PHLDB1: variants seen among roughly 807,000 people sequenced by gnomAD.
PHLDB1 encodes the protein pleckstrin homology like domain family B member 1.
PHLDB1 carries 65 observed loss-of-function variants against 139.3 expected under a neutral mutation model. The ratio of observed to expected loss-of-function variants is 0.47; its 90% CI spans 0.38 to 0.57. The LOEUF is 0.57. Ranked by LOEUF, PHLDB1 falls within the 20% of genes least tolerant of loss-of-function variation. PHLDB1 has a pLI of 0.00. For missense variants in PHLDB1, 1,624 were observed against 1,839.7 expected (o/e 0.88, Z 2.14); for synonymous variants, 679 against 734.5 (o/e 0.92, Z 1.22).
intron 6 of PHLDB1, among the ~76,000 whole-genome samples, chr11:118,628,907 GTTAAA>G (rs1296821969): frequency 2.0e-5 from 3 of 152,352 alleles, no homozygotes; most frequent in African/African-American, 7.2e-5. Context: ...TTGTTTTAAT[GTTAAA>G]TTAAATTTCA....
rs556756362 is a variant in PHLDB1, at chr11:118,618,530, C to T, written c.355+2319C>T. 9.9e-5 allele frequency among the ~76,000 whole-genome samples: 15 copies of T among 152,166 alleles called. No homozygotes were observed. In the South Asian group the frequency reaches 2.1e-3, roughly 21 times the overall value. On this transcript the variant is annotated intron_variant, in intron 4 of 22. Coordinates refer to ENST00000600882, the MANE Select transcript of PHLDB1 (RefSeq NM_001144758.3). The stretch of plus-strand genomic sequence containing the variant: ...GGATGTGTTTGTGACTCTGGGCTTA[C>T]GAATCCTGTGTTTGTGTCTTTCCTT...
At chr11:118,615,850 CTGTT>C (rs1313784782) in intron 3 of PHLDB1, among the ~76,000 whole-genome samples, 187 bp from the exon 4 acceptor site, 2 of 152,196 alleles carry the variant, frequency 1.3e-5, no homozygotes, top group East Asian at 1.9e-4. Flanking sequence ...AGAGTTTTCT[CTGTT>C]TGAGAACAGC....
In PHLDB1 at chr11:118,613,813, T is replaced by G. The variant is rs1941006308; in HGVS notation, c.-21-3T>G. 1 of 1,602,702 alleles carries G rather than the reference T, an allele frequency of 6.2e-7. No individual in the cohort carries two copies. The highest frequency in any genetic ancestry group is 8.5e-7 in the Non-Finnish European group (1 of 1,170,434). ...ACTCACCACCTTTCTGCTGTGTCCCTAGGAGCTCTGGAGCCTTAGGACCAT... is the reference window on the plus strand; with the variant it reads ...ACTCACCACCTTTCTGCTGTGTCCCGAGGAGCTCTGGAGCCTTAGGACCAT... On this transcript the variant is annotated splice_polypyrimidine_tract_variant and splice_region_variant and intron_variant, in intron 1 of 22. Coordinates refer to ENST00000600882, the MANE Select transcript of PHLDB1 (RefSeq NM_001144758.3).
intron 12 of PHLDB1, chr11:118,641,941 A>G (rs368595475): frequency 1.6e-4 from 84 of 528,716 alleles, no homozygotes; most frequent in African/African-American, 1.4e-3. Flanking sequence ...TGGCTGGTGT[A>G]GCACATGTCT....
At chr11:118,625,631 T>G (rs180727297) in intron 5 of PHLDB1, among the ~76,000 whole-genome samples, 1 of 152,310 alleles carries the variant, frequency 6.6e-6, no homozygotes, top group Non-Finnish European at 1.5e-5. Flanking sequence ...ACCAGGAGGC[T>G]ATTATGGGTT....
rs1948212575 is a variant in PHLDB1, at chr11:118,650,651, C to T, written c.3874+104C>T. On this transcript the variant is annotated intron_variant, in intron 20 of 22. Coordinates refer to ENST00000600882, the MANE Select transcript of PHLDB1 (RefSeq NM_001144758.3). The surrounding 1 kb of genome is among the most constrained non-coding windows in gnomAD (Gnocchi z 4.7). ...GGAGGCCAAGCTTCCAAGTAGGGGACCAGAGTCTTGGGCTAGGCTTTGCCC... is the reference window on the plus strand; with the variant it reads ...GGAGGCCAAGCTTCCAAGTAGGGGATCAGAGTCTTGGGCTAGGCTTTGCCC... 3.9e-6 allele frequency: 3 copies of T among 778,208 alleles called. No homozygotes were observed. Among genetic ancestry groups the T allele is most frequent in the Non-Finnish European group, 6.8e-6 (3 of 442,640 alleles). The allele number at this position is 778,208 out of a possible 1,614,324, so 48.2% of individuals were successfully genotyped here.
chr11:118,627,850 G>A lies in PHLDB1; in HGVS notation c.1027G>A (p.Ala343Thr). 1 of 1,607,720 alleles carries A rather than the reference G, an allele frequency of 6.2e-7. No homozygotes were observed. Among genetic ancestry groups the A allele is most frequent in the Non-Finnish European group, 8.5e-7 (1 of 1,179,824 alleles). Residue 343 changes from alanine to threonine, a missense_variant, in exon 6 of 23, where the codon GCC (alanine) becomes ACC (threonine). Ala to Thr is a moderately conservative substitution (Grantham distance 58). Transcript: ENST00000600882. ...CCCTGCAGCTACTGTCTTGGCGGAG[G>A]CCCGGAGAGCCACTGAGAGCCCCCG... is the stretch of plus-strand genomic sequence containing the variant. ...DSPAATVLAE[A>T]RRATESPRLG...
intron 4 of PHLDB1, 90 bp downstream of exon 4, chr11:118,616,301 T>C: frequency 8.3e-7 from 1 of 1,199,580 alleles, no homozygotes; most frequent in Non-Finnish European, 1.2e-6. Context: ...GTGGTTGCCA[T>C]GGTAACTGCC....
In PHLDB1 at chr11:118,616,148, C is replaced by G. The variant is rs1324060807; in HGVS notation, c.292C>G (p.Pro98Ala). 2 of 1,614,036 alleles carry G rather than the reference C, an allele frequency of 1.2e-6. No individual in the cohort carries two copies. Among genetic ancestry groups the G allele is most frequent in the Non-Finnish European group, 1.7e-6 (2 of 1,180,016 alleles). ...CCTGCGGGGCACCCTCACCCTCTAC[C>G]CCTGTGGCAATGCCTGCACTATTGA... ...ENLRGTLTLYPCGNACTIDGL... is the reference protein window; with the variant it reads ...ENLRGTLTLYACGNACTIDGL... Residue 98 changes from proline (P) to alanine (A), a missense_variant, in exon 4 of 23, where the codon CCC (proline) becomes GCC (alanine). Pro to Ala is a conservative substitution (Grantham distance 27). Transcript: ENST00000600882.
intron 20 of PHLDB1, chr11:118,653,991 GGACTCAT>G (rs1402106739): frequency 6.6e-6 from 1 of 152,222 alleles, no homozygotes; most frequent in Non-Finnish European, 1.5e-5. Flanking sequence ...ATAGGACTTG[GGACTCAT>G]GCAGGGGAAG....
chr11:118,642,454 C>T, intron 13 of PHLDB1, 60 bp downstream of exon 13: 1 of 1,546,866 alleles, frequency 6.5e-7, no homozygotes, highest in Non-Finnish European at 8.8e-7. Flanking sequence ...TCTGATACCT[C>T]CTGCCAATCC....
At chr11:118,642,072 C>A in intron 12 of PHLDB1, 182 bp from the exon 13 acceptor site, 1 of 681,548 alleles carries the variant, frequency 1.5e-6, no homozygotes, top group Non-Finnish European at 2.6e-6. Context: ...CCTTCCTCCC[C>A]TTCTTCCTTC....
chr11:118,635,858 G>A (rs1165590292), intron 10 of PHLDB1, among the ~76,000 whole-genome samples: 1 of 152,206 alleles, frequency 6.6e-6, no homozygotes, highest in Non-Finnish European at 1.5e-5. Flanking sequence ...AGATGGAGGA[G>A]GAGGAGGCTT....
At chr11:118,644,585 C>T (rs1701890830) in intron 15 of PHLDB1, 5 of 1,105,484 alleles carry the variant, frequency 4.5e-6, no homozygotes, top group Non-Finnish European at 4.8e-6. Context: ...GTCTGTGCCT[C>T]TCTCTCCTCT....
chr11:118,624,798 C>G, intron 4 of PHLDB1, 136 bp from the exon 5 acceptor site: 2 of 779,760 alleles, frequency 2.6e-6, no homozygotes, highest in South Asian at 3.2e-5. Flanking sequence ...TTAGTAGAGA[C>G]GGGACTTCAC....
chr11:118,649,330 T>C (rs1442847447), intron 18 of PHLDB1, among the ~76,000 whole-genome samples: 1 of 151,708 alleles, frequency 6.6e-6, no homozygotes, highest in African/African-American at 2.4e-5. Context: ...ACCCCCGTGG[T>C]TGGAATATTT....
chr11:118,651,427 T>A (rs1948324387), intron 20 of PHLDB1: 1 of 151,128 alleles, frequency 6.6e-6, no homozygotes, highest in Non-Finnish European at 1.5e-5. Context: ...AGACAGAGGT[T>A]GCAGTGAGCC....
In PHLDB1 at chr11:118,642,412, G is replaced by C. The variant is rs1555122209; in HGVS notation, c.2877+18G>C. On this transcript the variant is annotated intron_variant, in intron 13 of 22. Coordinates refer to ENST00000600882, the MANE Select transcript of PHLDB1 (RefSeq NM_001144758.3). ...AGCTGCAGGTAACCCCTCCTTCACT[G>C]CCCGTCCTCCCCAGCCTTTGCACCT... 6.2e-7 allele frequency: 1 copy of C among 1,602,962 alleles called. No individual in the cohort carries two copies. The highest frequency in any genetic ancestry group is 1.1e-5 in the South Asian group (1 of 90,848).
At chr11:118,629,544 T>C (rs1944432237) in intron 6 of PHLDB1, among the ~76,000 whole-genome samples, 1 of 152,148 alleles carries the variant, frequency 6.6e-6, no homozygotes, top group African/African-American at 2.4e-5. Flanking sequence ...AACCCTGGGA[T>C]TGGTTTGAGG....
Sources: allele counts gnomAD v4.1 joint callset (sites outside exome capture counted in the v4.1 genomes callset), GRCh38; gene constraint gnomAD v4.1.1; non-coding constraint Gnocchi (gnomAD v3.1); transcripts MANE v1.5; gene names NCBI Gene and HGNC (gene_info 2026-07-23, HGNC 2026-07-21).